Variants in FBXL13 observed in about 807,000 individuals in gnomAD.
FBXL13 encodes F-box and leucine rich repeat protein 13.
FBXL13 carries 67 observed loss-of-function variants against 83.6 expected under a neutral mutation model. That is an observed-to-expected ratio of 0.80 (90% CI 0.66 to 0.98). The LOEUF (loss-of-function observed/expected upper bound fraction) is 0.98, where lower values mean the gene tolerates loss of function less well. FBXL13 is among the 50% of genes least tolerant of loss of function. The probability of loss-of-function intolerance (pLI) is 0.00; values close to 1 mark genes in which losing one functional copy is unlikely to be tolerated. For synonymous variants in FBXL13, 272 were observed against 299.5 expected (o/e 0.91, Z 0.95); for missense variants, 822 against 866.5 (o/e 0.95, Z 0.64).
At chr7:102,923,334 G>C (rs1225235408) in intron 10 of FBXL13, among the ~76,000 whole-genome samples, 2 of 152,046 alleles carry the variant, frequency 1.3e-5, no homozygotes, top group Non-Finnish European at 2.9e-5. Context: ...GATGTTTTCC[G>C]TGGTATAGAA....
chr7:102,822,209 C>A lies in FBXL13; in HGVS notation c.1855-6G>T. ...TCCATTGCTGAGTCAGTAATCTGAACACAGAGCCAAAGTAAGTACTGGTTA... is the reference window on the plus strand; with the variant it reads ...TCCATTGCTGAGTCAGTAATCTGAAAACAGAGCCAAAGTAAGTACTGGTTA... On this transcript the variant is annotated splice_region_variant and splice_polypyrimidine_tract_variant and intron_variant, in intron 18 of 19. Transcript: ENST00000313221. 6.2e-7 allele frequency: 1 copy of A among 1,613,854 alleles called. No homozygotes were observed. Among genetic ancestry groups the A allele is most frequent in the Non-Finnish European group, 8.5e-7 (1 of 1,179,862 alleles).
At chr7:102,873,514 C>G (rs1808808957) in intron 16 of FBXL13, among the ~76,000 whole-genome samples, 1 of 152,250 alleles carries the variant, frequency 6.6e-6, no homozygotes, top group South Asian at 2.1e-4. Context: ...GCGTTCATAA[C>G]TTTTCACCTG....
intron 8 of FBXL13, among the ~76,000 whole-genome samples, chr7:102,938,941 C>T (rs537813746): frequency 1.2e-4 from 18 of 152,222 alleles, no homozygotes; most frequent in Non-Finnish European, 2.5e-4. Flanking sequence ...CTTTTTCCAG[C>T]ACCCACAGAT....
intron 6 of FBXL13, among the ~76,000 whole-genome samples, chr7:102,993,718 T>C (rs1439525922): frequency 6.6e-6 from 1 of 152,210 alleles, no homozygotes; most frequent in Non-Finnish European, 1.5e-5. Context: ...ATCTGCTAAC[T>C]AAGCAGCATT....
chr7:102,833,984 G>A (rs1801198728), intron 17 of FBXL13, among the ~76,000 whole-genome samples: 1 of 145,064 alleles, frequency 6.9e-6, no homozygotes, highest in Admixed American at 7.0e-5. Flanking sequence ...AACCGTAATT[G>A]TAAAAATATA....
At chr7:102,938,454 G>C (rs1759807249) in intron 8 of FBXL13, among the ~76,000 whole-genome samples, 1 of 152,120 alleles carries the variant, frequency 6.6e-6, no homozygotes, top group Non-Finnish European at 1.5e-5. Context: ...CTGCTAAATG[G>C]GGAAATTACC....
intron 8 of FBXL13, among the ~76,000 whole-genome samples, chr7:102,932,743 A>G (rs1563111470): frequency 6.6e-6 from 1 of 151,938 alleles, no homozygotes; most frequent in Non-Finnish European, 1.5e-5. Context: ...CAAGTAGCTG[A>G]CACTACAGGT....
chr7:102,991,287 G>A (rs1829534322), intron 6 of FBXL13, among the ~76,000 whole-genome samples: 1 of 152,212 alleles, frequency 6.6e-6, no homozygotes, highest in East Asian at 1.9e-4. Flanking sequence ...AAGAGACAGG[G>A]TTGGACAGGA....
In FBXL13 at chr7:103,025,184, A is replaced by AGG; in HGVS notation, c.373_374insCC (p.Ile125ThrfsTer24). On this transcript the variant is annotated frameshift_variant, in exon 6 of 20. Coordinates refer to ENST00000313221, the Ensembl canonical transcript of FBXL13. LOFTEE classifies it high-confidence loss of function. ...TTCTTCTGCAGCAGCTCTTTTGAGT[A>AGG]TTAACCTATTTTTCCATTTTTTCAA... 1.3e-6 allele frequency: 2 copies of AGG among 1,595,440 alleles called. No individual in the cohort carries two copies. The highest frequency in any genetic ancestry group is 1.7e-6 in the Non-Finnish European group (2 of 1,168,348).
intron 8 of FBXL13, chr7:102,933,905 G>A: frequency 6.3e-7 from 1 of 1,586,986 alleles, no homozygotes; most frequent in Non-Finnish European, 8.6e-7. Context: ...GGGCCAGCTG[G>A]ATGTCAGGAT....
At chr7:103,069,291 G>C (rs1798703644) in intron 1 of FBXL13, among the ~76,000 whole-genome samples, 2 of 152,252 alleles carry the variant, frequency 1.3e-5, no homozygotes, top group South Asian at 4.1e-4. Flanking sequence ...CATCTGGAAA[G>C]TGAGGAGCGC....
In FBXL13 at chr7:103,010,921, G is replaced by A. The variant is rs1006452621; in HGVS notation, c.495+14142C>T. ...AAACATGGGCATGGAGAGAGTAATC[G>A]GAGGTGGGAGGTCCTCCAAGATTCA... On this transcript the variant is annotated intron_variant, in intron 6 of 19. Transcript: ENST00000313221. 2.6e-5 allele frequency among the ~76,000 whole-genome samples: 4 copies of A among 152,168 alleles called. No homozygotes were observed. In the East Asian group the frequency reaches 5.8e-4, roughly 22 times the overall value.
chr7:102,935,234 T>C (rs1447408145), intron 8 of FBXL13, among the ~76,000 whole-genome samples: 4 of 133,374 alleles, frequency 3.0e-5, no homozygotes, highest in African/African-American at 5.2e-5. Flanking sequence ...TCCTTTTTTT[T>C]TTTCTTTCTT....
chr7:102,929,198 G>T (rs1037270688), intron 9 of FBXL13, among the ~76,000 whole-genome samples: 7 of 152,136 alleles, frequency 4.6e-5, no homozygotes, highest in African/African-American at 1.7e-4. Context: ...GTTTTGAAAA[G>T]ATGTTTTACT....
In FBXL13 at chr7:102,903,939, CTTTTTTTTTTTT is replaced by C. The variant is rs1166655004; in HGVS notation, c.1008+9135_1008+9146del. On this transcript the variant is annotated intron_variant, in intron 11 of 19. Coordinates refer to ENST00000313221, the Ensembl canonical transcript of FBXL13. Reference sequence around the variant, plus strand: ...TTGGCCTGTAGTTTTCTTTTCTTTTCTTTTTTTTTTTTTTTTTTTTTTTGCTGTATCTTTGTC... The same window carrying C: ...TTGGCCTGTAGTTTTCTTTTCTTTTCTTTTTTTTTTTGCTGTATCTTTGTC... 8.8e-3 allele frequency among the ~76,000 whole-genome samples: 383 copies of C among 43,498 alleles called. 1 individual carries two copies. The Middle Eastern group carries it at 0.094, about 11-fold the overall frequency. The allele number at this position is 43,498 out of a possible 152,430, so 28.5% of individuals were successfully genotyped here.
intron 17 of FBXL13, 64 bp from the exon 19 acceptor site, chr7:102,833,038 A>G: frequency 6.4e-7 from 1 of 1,551,042 alleles, no homozygotes; most frequent in Non-Finnish European, 8.8e-7. Flanking sequence ...TCTTACTTAT[A>G]GTAGCTTATT....
At chr7:103,069,717 G>A (rs1388941217) in intron 1 of FBXL13, among the ~76,000 whole-genome samples, 1 of 152,192 alleles carries the variant, frequency 6.6e-6, no homozygotes, top group Non-Finnish European at 1.5e-5. Flanking sequence ...ACCTTTGCTG[G>A]CGAAAGAGTA....
intron 6 of FBXL13, among the ~76,000 whole-genome samples, chr7:102,971,780 C>G (rs922957700): frequency 1.3e-5 from 2 of 152,078 alleles, no homozygotes; most frequent in Admixed American, 6.6e-5. Context: ...AATCCCAGCA[C>G]TTTGGAAAGC....
chr7:103,011,037 A>G (rs1791560114), intron 6 of FBXL13, among the ~76,000 whole-genome samples: 1 of 152,038 alleles, frequency 6.6e-6, no homozygotes, highest in Admixed American at 6.5e-5. Context: ...CAAAAAAAAA[A>G]TCCATCCAAA....
Sources: gnomAD v4.1 joint callset for allele counts (sites outside exome capture counted in the v4.1 genomes callset) on GRCh38, gnomAD v4.1.1 for gene constraint, MANE v1.5 for transcripts, NCBI Gene and HGNC (gene_info 2026-07-23, HGNC 2026-07-21) for gene names.